Variants in ALPL observed in about 807,000 individuals in gnomAD.
The protein encoded by ALPL is alkaline phosphatase, biomineralization associated, also known as alkaline phosphatase, tissue-nonspecific isozyme.
ALPL carries 42 observed loss-of-function variants against 51.3 expected under a neutral mutation model. That is an observed-to-expected ratio of 0.82 (90% confidence interval 0.64 to 1.06). The LOEUF (loss-of-function observed/expected upper bound fraction) is 1.06. ALPL is among the 50% of genes least tolerant of loss of function. The pLI is 0.00. For missense variants in ALPL, 589 were observed against 709.4 expected, an observed-to-expected ratio of 0.83 and a Z score of 1.93; for synonymous variants, 279 against 296.4, an observed-to-expected ratio of 0.94 and a Z score of 0.60.
intron 1 of ALPL, among the ~76,000 whole-genome samples, chr1:21,524,072 C>T (rs1239424553): frequency 7.8e-5 from 11 of 141,896 alleles, no homozygotes; most frequent in East Asian, 2.0e-4. Flanking sequence ...GGCGTGATCT[C>T]GGCTCACTGC....
intron 1 of ALPL, among the ~76,000 whole-genome samples, chr1:21,529,179 A>G (rs1643996142): frequency 6.6e-6 from 1 of 152,036 alleles, no homozygotes; most frequent in South Asian, 2.1e-4. Flanking sequence ...CTGACTTACA[A>G]TTAGGTTTAT....
At chr1:21,553,782 A>G (rs1342369081) in intron 1 of ALPL, among the ~76,000 whole-genome samples, 196 bp from the exon 2 acceptor site, 1 of 152,206 alleles carries the variant, frequency 6.6e-6, no homozygotes, top group Non-Finnish European at 1.5e-5. Context: ...TGACACTGAC[A>G]CAGCTGTTTG....
At chr1:21,536,047 C>T (rs979268363) in intron 1 of ALPL, among the ~76,000 whole-genome samples, 1 of 152,198 alleles carries the variant, frequency 6.6e-6, no homozygotes, top group African/African-American at 2.4e-5. Flanking sequence ...AGAGCTTGTA[C>T]CTGCAAGTCC....
Position 21,573,696 on chromosome 1 carries a change from G to A in ALPL, c.894G>A (p.Glu298=). The A allele has an allele frequency of 6.2e-7, 1 of 1,614,034 alleles. No individual in the cohort carries two copies. Among genetic ancestry groups the A allele is most frequent in the Non-Finnish European group, 8.5e-7 (1 of 1,180,006 alleles). Reference sequence around the variant, plus strand: ...TCGAGCCAGGGGACATGCAGTACGAGCTGAACAGGAACAACGTGACGGACC... The same window carrying A: ...TCGAGCCAGGGGACATGCAGTACGAACTGAACAGGAACAACGTGACGGACC... ...GLFEPGDMQY[E]LNRNNVTDPS... The change falls in exon 9 of 12, where the codon GAG becomes GAA. Residue 298 remains glutamate, a synonymous_variant. Transcript: ENST00000374840.
chr1:21,535,358 G>C (rs1644091385), intron 1 of ALPL, among the ~76,000 whole-genome samples: 1 of 152,144 alleles, frequency 6.6e-6, no homozygotes, highest in Non-Finnish European at 1.5e-5. Context: ...CCTCACCCGG[G>C]AGTCCCAGCA....
chr1:21,556,784 C>G (rs928009715), intron 2 of ALPL, among the ~76,000 whole-genome samples: 4 of 151,730 alleles, frequency 2.6e-5, no homozygotes, highest in Non-Finnish European at 5.9e-5. Flanking sequence ...ACTAAAAATA[C>G]AAAAATTAGC....
chr1:21,544,619 G>A (rs1333291992), intron 1 of ALPL, among the ~76,000 whole-genome samples: 5 of 152,140 alleles, frequency 3.3e-5, no homozygotes, highest in Admixed American at 1.3e-4. Flanking sequence ...GGTGGCATGC[G>A]CCTGTAGTCC....
At chr1:21,574,011 T>C (rs1644691106) in intron 9 of ALPL, 2 of 985,268 alleles carry the variant, frequency 2.0e-6, no homozygotes, top group African/African-American at 1.7e-5. Flanking sequence ...GCAAGTTAGG[T>C]TCAGCAATCC....
intron 1 of ALPL, among the ~76,000 whole-genome samples, chr1:21,546,633 T>C (rs1644257028): frequency 6.6e-6 from 1 of 152,252 alleles, no homozygotes; most frequent in South Asian, 2.1e-4. Context: ...GGGTGACTGC[T>C]GGCTTTAGGC....
intron 1 of ALPL, among the ~76,000 whole-genome samples, chr1:21,512,558 A>C (rs578192983): frequency 1.4e-4 from 21 of 152,160 alleles, no homozygotes; most frequent in Non-Finnish European, 2.1e-4. Context: ...CAGGGAAAAC[A>C]CTGGTTTGGG....
chr1:21,550,932 C>T (rs1291868794), intron 1 of ALPL, among the ~76,000 whole-genome samples: 1 of 152,064 alleles, frequency 6.6e-6, no homozygotes, highest in Non-Finnish European at 1.5e-5. Flanking sequence ...TCCAGCCTGC[C>T]GTAGATGGAG....
intron 8 of ALPL, among the ~76,000 whole-genome samples, 191 bp downstream of exon 8, chr1:21,570,565 G>A (rs539065136): frequency 1.3e-5 from 2 of 152,330 alleles, no homozygotes; most frequent in South Asian, 4.1e-4. Flanking sequence ...TCTGCTGGCT[G>A]TGCAGGGGGA....
chr1:21,576,274 GAT>G (rs1644734694), intron 10 of ALPL, among the ~76,000 whole-genome samples: 2 of 147,964 alleles, frequency 1.4e-5, no homozygotes, highest in South Asian at 4.3e-4. Context: ...TGGATGGGTG[GAT>G]GGATGGATGG....
chr1:21,553,881 A>C (rs1341860639), intron 1 of ALPL, 97 bp from the exon 2 acceptor site: 2 of 622,276 alleles, frequency 3.2e-6, no homozygotes, highest in African/African-American at 3.6e-5. Flanking sequence ...TGCTCACCGA[A>C]TACTTGTTGA....
intron 1 of ALPL, among the ~76,000 whole-genome samples, chr1:21,528,323 T>A (rs1266877441): frequency 1.3e-5 from 2 of 149,960 alleles, no homozygotes; most frequent in African/African-American, 4.9e-5. Flanking sequence ...GGCATGAGAT[T>A]ACATGCCTGA....
At chr1:21,556,734 T>C (rs1447729834) in intron 2 of ALPL, among the ~76,000 whole-genome samples, 1 of 151,708 alleles carries the variant, frequency 6.6e-6, no homozygotes, top group Admixed American at 6.6e-5. Flanking sequence ...AGGTCAGGAG[T>C]TTGAGACCAG....
intron 1 of ALPL, among the ~76,000 whole-genome samples, chr1:21,535,402 C>G (rs1043610114): frequency 6.6e-6 from 1 of 152,078 alleles, no homozygotes; most frequent in African/African-American, 2.4e-5. Context: ...ATTGCTGGAG[C>G]TTAGGAGGTT....
chr1:21,557,153 C>A (rs1444469761), intron 2 of ALPL, among the ~76,000 whole-genome samples: 1 of 152,142 alleles, frequency 6.6e-6, no homozygotes, highest in African/African-American at 2.4e-5. Flanking sequence ...GAGAAGAGAG[C>A]CTTCCTCGGC....
At chr1:21,551,722 T>G (rs1644324380) in intron 1 of ALPL, among the ~76,000 whole-genome samples, 1 of 115,462 alleles carries the variant, frequency 8.7e-6, no homozygotes, top group Admixed American at 8.3e-5. Context: ...TTGCGTGGTT[T>G]TTTTTTTTTT....
Sources: allele counts gnomAD v4.1 joint callset (sites outside exome capture counted in the v4.1 genomes callset), GRCh38; gene constraint gnomAD v4.1.1; transcripts MANE v1.5; gene names NCBI Gene and HGNC (gene_info 2026-07-23, HGNC 2026-07-21).